PID1: variants seen among roughly 807,000 people sequenced by gnomAD.
The protein encoded by PID1 is PTB-containing, cubilin and LRP1-interacting protein.
Under a neutral mutation model 19.1 loss-of-function variants are expected in PID1, and 10 were observed. The ratio of observed to expected loss-of-function variants is 0.52; its 90% CI spans 0.32 to 0.89. PID1 has a LOEUF of 0.89. PID1 is among the 40% of genes least tolerant of loss of function. PID1 has a pLI of 0.03. For synonymous variants in PID1, 130 were observed against 116.0 expected, an observed-to-expected ratio of 1.12 and a Z score of -0.78; for missense variants, 248 against 285.3, an observed-to-expected ratio of 0.87 and a Z score of 0.94.
intron 2 of PID1, among the ~76,000 whole-genome samples, chr2:229,114,188 C>T (rs1695363992): frequency 6.7e-6 from 1 of 149,834 alleles, no homozygotes; most frequent in Non-Finnish European, 1.5e-5. Flanking sequence ...CACACACACA[C>T]ACACACACAC....
intron 1 of PID1, among the ~76,000 whole-genome samples, chr2:229,234,810 C>T (rs1692289656): frequency 6.6e-6 from 1 of 152,044 alleles, no homozygotes; most frequent in Non-Finnish European, 1.5e-5. Context: ...AGCCACTGAC[C>T]ATCAAACAAG....
At chr2:229,110,961 G>A (rs1220535345) in intron 2 of PID1, among the ~76,000 whole-genome samples, 2 of 152,116 alleles carry the variant, frequency 1.3e-5, no homozygotes, top group Non-Finnish European at 2.9e-5. Flanking sequence ...GAGACCTGAT[G>A]GGAGATAATT....
chr2:229,103,330 C>T (rs911708502), intron 2 of PID1, among the ~76,000 whole-genome samples: 2 of 152,126 alleles, frequency 1.3e-5, no homozygotes, highest in Admixed American at 6.5e-5. Flanking sequence ...TCCATACTCT[C>T]TTCCTTTGTC....
chr2:229,232,788 AATATATATATAT>A (rs3997299), intron 1 of PID1, among the ~76,000 whole-genome samples: 33,231 of 139,756 alleles, frequency 0.24, 4,392 homozygotes, highest in East Asian at 0.54. Context: ...CACACACATA[AATATATATATAT>A]ATATATATAT....
intron 2 of PID1, among the ~76,000 whole-genome samples, chr2:229,071,081 TG>T (rs1358856836): frequency 6.7e-6 from 1 of 148,498 alleles, no homozygotes; most frequent in African/African-American, 2.6e-5. Flanking sequence ...TTTAAGCAAA[TG>T]AATGTTACTT....
At chr2:229,222,974 T>C (rs958128156) in intron 1 of PID1, among the ~76,000 whole-genome samples, 1 of 152,068 alleles carries the variant, frequency 6.6e-6, no homozygotes, top group Admixed American at 6.6e-5. Context: ...CACTTCCTGT[T>C]ATGAGACCTT....
At chr2:229,167,918 A>G (rs927398135) in intron 1 of PID1, among the ~76,000 whole-genome samples, 1 of 152,106 alleles carries the variant, frequency 6.6e-6, no homozygotes, top group Non-Finnish European at 1.5e-5. Context: ...ACATTTTCAA[A>G]TAATACTTTT....
intron 2 of PID1, among the ~76,000 whole-genome samples, chr2:229,145,155 G>GTGTATATATATATATATA (rs1391018424): frequency 3.3e-5 from 4 of 119,966 alleles, no homozygotes; most frequent in African/African-American, 1.3e-4. Context: ...ATATGTATGT[G>GTGTATATATATATATATA]TATATATATA....
intron 2 of PID1, among the ~76,000 whole-genome samples, chr2:229,080,502 C>T (rs1694648706): frequency 6.6e-6 from 1 of 152,170 alleles, no homozygotes; most frequent in Admixed American, 6.5e-5. Context: ...TCCTCACCTC[C>T]TAGCCTTTTC....
At chr2:229,122,975 C>T (rs1163847383) in intron 2 of PID1, among the ~76,000 whole-genome samples, 1 of 152,166 alleles carries the variant, frequency 6.6e-6, no homozygotes, top group East Asian at 1.9e-4. Flanking sequence ...TGAGTGAAAT[C>T]TACCTTACTG....
chr2:229,057,890 CG>C (rs2106190179), intron 2 of PID1, among the ~76,000 whole-genome samples: 1 of 152,280 alleles, frequency 6.6e-6, no homozygotes, highest in East Asian at 1.9e-4. Flanking sequence ...GCAGAAGATA[CG>C]TAAAATCAGT....
intron 2 of PID1, among the ~76,000 whole-genome samples, chr2:229,071,197 A>C (rs1260617508): frequency 6.6e-6 from 1 of 152,232 alleles, no homozygotes; most frequent in Admixed American, 6.5e-5. Context: ...GAAAAGTTTC[A>C]TCCATGAGCT....
At chr2:229,026,921 C>T (rs1693436296) in intron 2 of PID1, among the ~76,000 whole-genome samples, 1 of 152,132 alleles carries the variant, frequency 6.6e-6, no homozygotes, top group South Asian at 2.1e-4. Flanking sequence ...TTCATCCTTT[C>T]ATTGTTTTAT....
chr2:229,214,276 CTTA>C (rs1216636307), intron 1 of PID1, among the ~76,000 whole-genome samples: 1 of 43,148 alleles, frequency 2.3e-5, no homozygotes, highest in African/African-American at 7.6e-5. Flanking sequence ...CTCAAGTCAT[CTTA>C]CTTGGGGGTA....
intron 1 of PID1, among the ~76,000 whole-genome samples, chr2:229,183,302 C>T (rs532498206): frequency 6.6e-6 from 1 of 152,310 alleles, no homozygotes; most frequent in African/African-American, 2.4e-5. Context: ...CTGCTGACAC[C>T]TGGATATGGG....
At chr2:229,065,673 G>C (rs926474905) in intron 2 of PID1, among the ~76,000 whole-genome samples, 1 of 74,104 alleles carries the variant, frequency 1.3e-5, no homozygotes. Context: ...TCATTGTATT[G>C]TTTTAAACTA....
At chr2:229,263,276 T>A (rs1357217695) in intron 1 of PID1, among the ~76,000 whole-genome samples, 2 of 152,236 alleles carry the variant, frequency 1.3e-5, no homozygotes, top group Non-Finnish European at 2.9e-5. Context: ...CTTATCATGC[T>A]AGCCTTCTTA....
intron 2 of PID1, among the ~76,000 whole-genome samples, chr2:229,111,936 G>GAAAGGCTGGCT (rs1199336050): frequency 2.0e-5 from 3 of 152,188 alleles, no homozygotes; most frequent in Non-Finnish European, 4.4e-5. Flanking sequence ...CACGAAAAGA[G>GAAAGGCTGGCT]AAAGGCTGGC....
intron 1 of PID1, among the ~76,000 whole-genome samples, chr2:229,268,053 T>C (rs1690638422): frequency 1.3e-5 from 2 of 152,336 alleles, no homozygotes; most frequent in Middle Eastern, 3.4e-3. Flanking sequence ...ATATTTTTAA[T>C]GGCAGAAGCT....
Sources: allele counts gnomAD v4.1 joint callset (sites outside exome capture counted in the v4.1 genomes callset), GRCh38; gene constraint gnomAD v4.1.1; transcripts MANE v1.5; gene names NCBI Gene and HGNC (gene_info 2026-07-23, HGNC 2026-07-21).